Variants in FMNL2 observed in about 807,000 individuals in gnomAD.
FMNL2 encodes formin like 2, also known as formin-like protein 2.
Under a neutral mutation model 130.2 loss-of-function variants are expected in FMNL2, and 51 were observed. The observed-to-expected ratio is 0.39, with a 90% CI of 0.31 to 0.49. The LOEUF is 0.49. Ranked by LOEUF, FMNL2 falls within the 20% of genes least tolerant of loss-of-function variation. FMNL2 has a pLI of 0.85. For missense variants in FMNL2, 977 were observed against 1,316.2 expected (o/e 0.74, Z 3.99); for synonymous variants, 465 against 467.1 (o/e 1.00, Z 0.06).
At position 152,628,350 on chromosome 2, in the gene FMNL2, C is replaced by T. The variant is rs569553550; in HGVS notation, c.2217C>T (p.Phe739=). The T allele has an allele frequency of 1.2e-6, 2 of 1,614,014 alleles. No individual in the cohort carries two copies. The highest frequency in any genetic ancestry group is 1.7e-6 in the Non-Finnish European group (2 of 1,179,896). ...PVDFVECLMR[F]LPTENEVKVL... ...ACTTTGTGGAATGCTTGATGCGGTT[C>T]CTACCAACTGAGAATGAAGTGAAAG... Residue 739 remains phenylalanine (F), a synonymous_variant, in exon 18 of 26, where the codon TTC becomes TTT. Coordinates refer to ENST00000288670, the MANE Select transcript of FMNL2 (RefSeq NM_052905.4).
At chr2:152,617,039 G>A (rs1446552372) in intron 12 of FMNL2, 52 bp from the exon 13 acceptor site, 1 of 1,509,332 alleles carries the variant, frequency 6.6e-7, no homozygotes, top group East Asian at 2.3e-5. Context: ...AGAACTGAGG[G>A]CTGATCAAGA....
In FMNL2 at chr2:152,368,163, T is replaced by G. The variant is rs570159623; in HGVS notation, c.117+32443T>G. Among the ~76,000 whole-genome samples the G allele has an allele frequency of 2.0e-5, 3 of 152,334 alleles. No individual in the cohort carries two copies. The South Asian group carries it at 6.2e-4, about 32-fold the overall frequency. ...AGAAACATCTGGTCACCATCTTTCA[T>G]GCAGTATACATTTTCATGGAATTAA... On this transcript the variant is annotated intron_variant, in intron 1 of 25. Transcript: ENST00000288670.
intron 12 of FMNL2, among the ~76,000 whole-genome samples, 185 bp from the exon 13 acceptor site, chr2:152,616,906 C>G (rs1449974567): frequency 6.6e-6 from 1 of 152,162 alleles, no homozygotes; most frequent in Non-Finnish European, 1.5e-5. Flanking sequence ...TCTAAGTTAT[C>G]AATTCCTGGT....
At chr2:152,438,263 G>A (rs919471991) in intron 1 of FMNL2, among the ~76,000 whole-genome samples, 1 of 152,174 alleles carries the variant, frequency 6.6e-6, no homozygotes, top group Non-Finnish European at 1.5e-5. Flanking sequence ...TTTACTCACT[G>A]TTTTTCTAGG....
chr2:152,413,957 C>A (rs994171303), intron 1 of FMNL2, among the ~76,000 whole-genome samples: 1 of 152,328 alleles, frequency 6.6e-6, no homozygotes, highest in South Asian at 2.1e-4. Flanking sequence ...TTCTTCCTCA[C>A]TGTCTTTGTC....
At chr2:152,546,883 C>T (rs567538352) in intron 3 of FMNL2, among the ~76,000 whole-genome samples, 1 of 152,062 alleles carries the variant, frequency 6.6e-6, no homozygotes, top group East Asian at 1.9e-4. Context: ...TTTTTAGCTC[C>T]AAGGAAGAGT....
At chr2:152,402,081 T>A (rs1685731833) in intron 1 of FMNL2, among the ~76,000 whole-genome samples, 1 of 151,962 alleles carries the variant, frequency 6.6e-6, no homozygotes, top group Non-Finnish European at 1.5e-5. Context: ...TTTTTGTATT[T>A]TTAGTAGAGA....
chr2:152,479,907 G>A (rs955018469), intron 1 of FMNL2, among the ~76,000 whole-genome samples: 2 of 151,874 alleles, frequency 1.3e-5, no homozygotes, highest in African/African-American at 4.8e-5. Flanking sequence ...GTAGAGATGG[G>A]GTTTTTTGGC....
chr2:152,647,079 G>A (rs1683652978), intron 25 of FMNL2, among the ~76,000 whole-genome samples: 1 of 152,132 alleles, frequency 6.6e-6, no homozygotes, highest in Admixed American at 6.6e-5. Flanking sequence ...AAAAATATTG[G>A]GTGGTAGAGC....
At chr2:152,647,287 T>A (rs2105995322) in intron 25 of FMNL2, among the ~76,000 whole-genome samples, 1 of 152,336 alleles carries the variant, frequency 6.6e-6, no homozygotes, top group East Asian at 1.9e-4. Flanking sequence ...TACAAAATAA[T>A]AAACTCAGCT....
chr2:152,576,427 C>T (rs1696484741), intron 7 of FMNL2, among the ~76,000 whole-genome samples: 1 of 152,134 alleles, frequency 6.6e-6, no homozygotes, highest in Non-Finnish European at 1.5e-5. Flanking sequence ...CTAATGCTTA[C>T]ATGTTACACT....
chr2:152,600,672 A>C (rs762654604), intron 9 of FMNL2, among the ~76,000 whole-genome samples: 9 of 151,934 alleles, frequency 5.9e-5, no homozygotes, highest in Non-Finnish European at 1.3e-4. Context: ...GATTGATCCA[A>C]ATGGTTTGGG....
At chr2:152,385,386 G>A (rs954273146) in intron 1 of FMNL2, among the ~76,000 whole-genome samples, 6 of 152,088 alleles carry the variant, frequency 3.9e-5, no homozygotes, top group Non-Finnish European at 7.4e-5. Context: ...GGCCTTTTAC[G>A]TCTTAGTGTT....
intron 21 of FMNL2, 23 bp downstream of exon 21, chr2:152,632,160 G>A (rs767130178): frequency 4.4e-6 from 7 of 1,603,046 alleles, no homozygotes; most frequent in African/African-American, 1.3e-5. Context: ...AGCTATTACC[G>A]TTCGTCTTGG....
At position 152,641,044 on chromosome 2, in the gene FMNL2, G is replaced by A. The variant is rs566174180; in HGVS notation, c.3169+130G>A. On this transcript the variant is annotated intron_variant, in intron 25 of 25. Transcript: ENST00000288670. Reference sequence around the variant, plus strand: ...CATTAGTTGACTTTATTCACACCCAGAGTGATGCAGAGAGGCTTTGAAGTC... The same window carrying A: ...CATTAGTTGACTTTATTCACACCCAAAGTGATGCAGAGAGGCTTTGAAGTC... The A allele has an allele frequency of 2.6e-6, 3 of 1,171,620 alleles. No individual in the cohort carries two copies. The Admixed American group carries it at 7.1e-5, about 28-fold the overall frequency. 72.6% of individuals were successfully genotyped at this position (1,171,620 alleles called of 1,614,324 possible). A position where few individuals can be genotyped will look rare whatever the true frequency, so the allele number is the denominator to read the frequency against.
At chr2:152,440,096 A>T (rs1034200374) in intron 1 of FMNL2, among the ~76,000 whole-genome samples, 1 of 151,908 alleles carries the variant, frequency 6.6e-6, no homozygotes, top group Non-Finnish European at 1.5e-5. Context: ...AAATGGAAGA[A>T]TTGGGGCTTT....
intron 2 of FMNL2, among the ~76,000 whole-genome samples, chr2:152,541,009 C>A (rs1259940797): frequency 6.6e-6 from 1 of 152,160 alleles, no homozygotes; most frequent in Non-Finnish European, 1.5e-5. Context: ...CATGCACATG[C>A]TGGCCAATTG....
At chr2:152,535,007 A>T (rs1671148977) in intron 2 of FMNL2, among the ~76,000 whole-genome samples, 2 of 152,190 alleles carry the variant, frequency 1.3e-5, no homozygotes, top group African/African-American at 4.8e-5. Context: ...CTGATTTTCA[A>T]GTCCAGTCTA....
intron 3 of FMNL2, among the ~76,000 whole-genome samples, chr2:152,545,483 C>T (rs1040127899): frequency 4.6e-5 from 7 of 152,134 alleles, no homozygotes; most frequent in African/African-American, 1.2e-4. Flanking sequence ...TGAAACCTCT[C>T]GGGCAGAAAA....
Sources: allele counts gnomAD v4.1 joint callset (sites outside exome capture counted in the v4.1 genomes callset), GRCh38; gene constraint gnomAD v4.1.1; transcripts MANE v1.5; gene names NCBI Gene and HGNC (gene_info 2026-07-23, HGNC 2026-07-21).